The following C12orf42 variants were observed in gnomAD, a reference collection of about 807,000 sequenced individuals.
C12orf42 encodes the protein chromosome 12 open reading frame 42, also known as uncharacterized protein C12orf42.
In C12orf42, 25 loss-of-function variants were observed where a neutral mutation model predicts 21.6. The observed-to-expected ratio is 1.16, with a 90% CI of 0.84 to 1.62. The LOEUF (loss-of-function observed/expected upper bound fraction) is 1.62. C12orf42 is among the 40% of genes most tolerant of loss of function. C12orf42 has a pLI of 0.00. For synonymous variants in C12orf42, 174 were observed against 175.0 expected (o/e 0.99, Z 0.05); for missense variants, 483 against 459.3 (o/e 1.05, Z -0.47).
chr12:103,481,047 G>T (rs1447836104), intron 1 of C12orf42, among the ~76,000 whole-genome samples: 2 of 151,416 alleles, frequency 1.3e-5, no homozygotes, highest in South Asian at 2.1e-4. Context: ...TTATAATTTT[G>T]AGAGTTTATA....
the C12orf42 span, among the ~76,000 whole-genome samples, chr12:103,227,273 G>A: frequency 2.8e-4 from 42 of 152,082 alleles, no homozygotes; most frequent in South Asian, 1.0e-3. Context: ...ATAAGAGGTC[G>A]GGGCGTGGAA....
the C12orf42 span, among the ~76,000 whole-genome samples, chr12:103,060,608 G>A: frequency 6.6e-6 from 1 of 152,122 alleles, no homozygotes; most frequent in Admixed American, 6.5e-5. Context: ...AAACAGCATG[G>A]TGCTGTTACC....
chr12:103,051,173 A>T, the C12orf42 span, among the ~76,000 whole-genome samples: 2 of 152,240 alleles, frequency 1.3e-5, no homozygotes, highest in South Asian at 4.1e-4. Flanking sequence ...AAGAGGCCAG[A>T]TAACCATCAA....
At chr12:103,276,749 A>AAT (rs2035795507) in intron 5 of C12orf42, among the ~76,000 whole-genome samples, 1 of 152,184 alleles carries the variant, frequency 6.6e-6, no homozygotes, top group Non-Finnish European at 1.5e-5. Flanking sequence ...AAAGCTGACC[A>AAT]ATATAGTACA....
the C12orf42 span, among the ~76,000 whole-genome samples, chr12:103,220,979 G>A: frequency 6.6e-6 from 1 of 152,174 alleles, no homozygotes; most frequent in Non-Finnish European, 1.5e-5. Flanking sequence ...TTGCTCCAAA[G>A]GTTCCCAAAC....
intron 2 of C12orf42, among the ~76,000 whole-genome samples, chr12:103,410,968 T>C (rs1045416943): frequency 6.6e-6 from 1 of 152,208 alleles, no homozygotes; most frequent in Non-Finnish European, 1.5e-5. Context: ...GGTCCAAGGA[T>C]ACTCAGTTAC....
chr12:103,420,334 A>G (rs2049772463), intron 2 of C12orf42, among the ~76,000 whole-genome samples: 1 of 152,188 alleles, frequency 6.6e-6, no homozygotes, highest in Non-Finnish European at 1.5e-5. Flanking sequence ...TTTCCTTTGA[A>G]GATTCTTTGG....
At chr12:103,358,978 G>T (rs937439490) in intron 4 of C12orf42, among the ~76,000 whole-genome samples, 1 of 152,032 alleles carries the variant, frequency 6.6e-6, no homozygotes, top group Non-Finnish European at 1.5e-5. Flanking sequence ...GTTCTTCATA[G>T]TCTGGACCCT....
the C12orf42 span, among the ~76,000 whole-genome samples, chr12:103,048,499 A>G: frequency 6.6e-6 from 1 of 152,176 alleles, no homozygotes; most frequent in Admixed American, 6.5e-5. Flanking sequence ...ACCAAGAGTC[A>G]AAACCTGGGG....
At chr12:103,467,689 G>A (rs904684178) in intron 2 of C12orf42, among the ~76,000 whole-genome samples, 6 of 152,164 alleles carry the variant, frequency 3.9e-5, no homozygotes, top group Admixed American at 6.5e-5. Flanking sequence ...GAGACTCAAA[G>A]CATTAACAAG....
intron 4 of C12orf42, among the ~76,000 whole-genome samples, chr12:103,367,122 G>A (rs959131677): frequency 1.2e-4 from 18 of 151,992 alleles, no homozygotes; most frequent in Non-Finnish European, 1.9e-4. Flanking sequence ...CCATAAAAAG[G>A]AATGAATTAA....
At chr12:103,227,448 G>A in the C12orf42 span, among the ~76,000 whole-genome samples, 2,626 of 151,980 alleles carry the variant, frequency 0.017, 66 homozygotes, top group African/African-American at 0.059. Flanking sequence ...GTTGGGGTGC[G>A]GAAATAAGGG....
chr12:103,522,023 C>A, the C12orf42 span, among the ~76,000 whole-genome samples: 2 of 152,136 alleles, frequency 1.3e-5, no homozygotes, highest in Non-Finnish European at 2.9e-5. Flanking sequence ...CTTTTGTGCA[C>A]CTCATGTTCC....
chr12:103,323,990 T>C (rs1381322619), intron 4 of C12orf42, among the ~76,000 whole-genome samples: 1 of 152,180 alleles, frequency 6.6e-6, no homozygotes, highest in South Asian at 2.1e-4. Context: ...ATAATGAAAT[T>C]CATTTGGTGT....
At chr12:103,548,718 A>C in the C12orf42 span, 3 of 152,232 alleles carry the variant, frequency 2.0e-5, no homozygotes, top group Non-Finnish European at 4.4e-5. Context: ...AACAGTCGTG[A>C]TTAACGTATA....
chr12:103,517,633 A>C, the C12orf42 span, among the ~76,000 whole-genome samples: 1 of 152,194 alleles, frequency 6.6e-6, no homozygotes, highest in Non-Finnish European at 1.5e-5. Context: ...CAGTGGTACA[A>C]GAGAGGATGG....
At chr12:103,236,793 G>C (rs1229241858), downstream of C12orf42, among the ~76,000 whole-genome samples, 1 of 152,032 alleles carries the variant, frequency 6.6e-6, no homozygotes, top group Non-Finnish European at 1.5e-5. Flanking sequence ...TTTTAAGGGG[G>C]GCTTTCATGC....
At chr12:103,238,037 C>T (rs2033533811) in intron 10 of C12orf42, 1 of 152,132 alleles carries the variant, frequency 6.6e-6, no homozygotes, top group Admixed American at 6.6e-5. Context: ...TGGATTGTGG[C>T]TGCCACTACA....
chr12:103,251,489 A>G (rs2034301707), intron 10 of C12orf42, among the ~76,000 whole-genome samples: 2 of 152,148 alleles, frequency 1.3e-5, no homozygotes, highest in Non-Finnish European at 1.5e-5. Context: ...CTGACTGAAA[A>G]TTGCAGTCCT....
Sources: gnomAD v4.1 joint callset for allele counts (sites outside exome capture counted in the v4.1 genomes callset) on GRCh38, gnomAD v4.1.1 for gene constraint, MANE v1.5 for transcripts, NCBI Gene and HGNC (gene_info 2026-07-23, HGNC 2026-07-21) for gene names.